The following SOX6 variants were observed in gnomAD, a reference collection of about 807,000 sequenced individuals.
SOX6 encodes transcription factor SOX-6.
In SOX6, 11 loss-of-function variants were observed where a neutral mutation model predicts 97.8. The observed-to-expected ratio is 0.11, with a 90% CI of 0.07 to 0.19. The LOEUF (loss-of-function observed/expected upper bound fraction) is 0.19, where lower values mean the gene tolerates loss of function less well. SOX6 is among the 10% of genes least tolerant of loss of function. The pLI, the probability that SOX6 is intolerant of heterozygous loss-of-function variation, is 1.00. For synonymous variants in SOX6, 360 were observed against 371.4 expected (o/e 0.97, Z 0.35); for missense variants, 810 against 1,039.5 (o/e 0.78, Z 3.04).
At chr11:16,735,726 G>T (rs1032817874) in intron 2 of SOX6, among the ~76,000 whole-genome samples, 4 of 152,076 alleles carry the variant, frequency 2.6e-5, no homozygotes, top group Non-Finnish European at 4.4e-5. Flanking sequence ...GTGAAACTTT[G>T]AGGTCAATTG....
At chr11:16,500,840 C>T (rs1429044406) in intron 4 of SOX6, among the ~76,000 whole-genome samples, 3 of 152,150 alleles carry the variant, frequency 2.0e-5, no homozygotes, top group Non-Finnish European at 4.4e-5. Flanking sequence ...ACATTCCATG[C>T]TCATGGGTAG....
At chr11:16,649,893 C>A (rs1847621906) in intron 3 of SOX6, among the ~76,000 whole-genome samples, 1 of 151,968 alleles carries the variant, frequency 6.6e-6, no homozygotes, top group Non-Finnish European at 1.5e-5. Flanking sequence ...AAGAGACTCA[C>A]CCAACACATA....
At chr11:16,318,414 A>T in intron 3 of SOX6, 32 bp downstream of exon 3, 1 of 1,610,424 alleles carries the variant, frequency 6.2e-7, no homozygotes, top group Middle Eastern at 1.7e-4. Flanking sequence ...AGAAGAAAAA[A>T]AACAGAGCCC....
At chr11:16,098,332 C>A (rs551695681) in intron 7 of SOX6, among the ~76,000 whole-genome samples, 1 of 151,788 alleles carries the variant, frequency 6.6e-6, no homozygotes, top group South Asian at 2.1e-4. Context: ...GCATACTAAG[C>A]ACTTATCAAA....
intron 2 of SOX6, among the ~76,000 whole-genome samples, chr11:16,719,174 G>A (rs1256655378): frequency 2.0e-5 from 3 of 152,030 alleles, no homozygotes; most frequent in African/African-American, 7.2e-5. Context: ...TAATTAATGA[G>A]GAAACCAGTA....
chr11:16,155,359 A>C (rs1291393468), intron 6 of SOX6, among the ~76,000 whole-genome samples: 2 of 152,174 alleles, frequency 1.3e-5, no homozygotes, highest in African/African-American at 4.8e-5. Flanking sequence ...TTTGTGATCT[A>C]TAAAAGGGAA....
At chr11:16,246,041 T>G (rs1388829093) in intron 3 of SOX6, among the ~76,000 whole-genome samples, 2 of 151,362 alleles carry the variant, frequency 1.3e-5, no homozygotes, top group African/African-American at 4.8e-5. Context: ...TCTACTTATC[T>G]CCTTTGTTGG....
At chr11:16,321,049 G>T (rs1855906969) in intron 2 of SOX6, among the ~76,000 whole-genome samples, 2 of 152,040 alleles carry the variant, frequency 1.3e-5, no homozygotes, top group African/African-American at 4.8e-5. Flanking sequence ...TTAGATGCCA[G>T]TCATGGCTAG....
intron 4 of SOX6, among the ~76,000 whole-genome samples, chr11:16,481,959 A>G (rs1013153856): frequency 5.3e-5 from 8 of 152,136 alleles, no homozygotes; most frequent in Non-Finnish European, 7.4e-5. Context: ...AAATAAAAAA[A>G]AGAGAGAGAA....
intron 6 of SOX6, among the ~76,000 whole-genome samples, chr11:16,169,447 A>G (rs1850972782): frequency 6.6e-6 from 1 of 152,148 alleles, no homozygotes; most frequent in South Asian, 2.1e-4. Flanking sequence ...ATTAAGATAA[A>G]TGGCTAATGA....
intron 4 of SOX6, among the ~76,000 whole-genome samples, chr11:16,572,828 A>G (rs759262385): frequency 1.5e-4 from 23 of 152,200 alleles, no homozygotes; most frequent in Non-Finnish European, 2.9e-4. Flanking sequence ...CTACCCTAGC[A>G]TTAACATAAT....
intron 9 of SOX6, among the ~76,000 whole-genome samples, chr11:16,066,107 T>G (rs1248252804): frequency 6.6e-6 from 1 of 152,142 alleles, no homozygotes; most frequent in Non-Finnish European, 1.5e-5. Flanking sequence ...GTAAAATATT[T>G]GAATAGGTGT....
rs989115028 is a variant in SOX6 at position 16,055,215 on chromosome 11, C to CTTTAT, written c.1251+532_1251+536dup. On this transcript the variant is annotated intron_variant, in intron 10 of 15. Transcript: ENST00000683767. ...TTGCCCTCATTGTAAGGACAGTCCT[C>CTTTAT]TTTATTTTATTTTATTTATTTATTT... Among the ~76,000 whole-genome samples, 6 of 152,116 alleles carry CTTTAT rather than the reference C, an allele frequency of 3.9e-5. No homozygotes were observed. The South Asian group carries it at 1.2e-3, about 32-fold the overall frequency.
At chr11:16,158,312 G>A (rs569980515) in intron 6 of SOX6, among the ~76,000 whole-genome samples, 2 of 151,970 alleles carry the variant, frequency 1.3e-5, no homozygotes, top group East Asian at 1.9e-4. Context: ...ACTCCTTGGT[G>A]TATATATTAT....
At chr11:16,433,954 G>C (rs1200047430) in intron 1 of SOX6, among the ~76,000 whole-genome samples, 1 of 151,776 alleles carries the variant, frequency 6.6e-6, no homozygotes, top group African/African-American at 2.4e-5. Flanking sequence ...AGACACAAAG[G>C]CCTTCAGGAT....
intron 4 of SOX6, among the ~76,000 whole-genome samples, chr11:16,510,979 AT>A (rs768795643): frequency 3.0e-4 from 45 of 152,264 alleles, no homozygotes; most frequent in Non-Finnish European, 5.4e-4. Flanking sequence ...ATCTTGTTGA[AT>A]AAAAAAAATC....
intron 1 of SOX6, among the ~76,000 whole-genome samples, chr11:16,456,251 T>C (rs1859809340): frequency 6.6e-6 from 1 of 152,086 alleles, no homozygotes; most frequent in Non-Finnish European, 1.5e-5. Flanking sequence ...GTTTTAGTGA[T>C]TGGGCCAAGG....
At chr11:16,324,164 A>C (rs148771359) in intron 2 of SOX6, among the ~76,000 whole-genome samples, 2 of 152,224 alleles carry the variant, frequency 1.3e-5, no homozygotes, top group African/African-American at 4.8e-5. Flanking sequence ...AGCCTGGGCA[A>C]ACAAGCCAGA....
At chr11:16,256,584 A>T (rs191935846) in intron 3 of SOX6, among the ~76,000 whole-genome samples, 4 of 152,108 alleles carry the variant, frequency 2.6e-5, no homozygotes, top group African/African-American at 9.6e-5. Context: ...TATAAAAAAC[A>T]TTGAGCTAAC....
Sources: gnomAD v4.1 joint callset for allele counts (sites outside exome capture counted in the v4.1 genomes callset) on GRCh38, gnomAD v4.1.1 for gene constraint, MANE v1.5 for transcripts, NCBI Gene and HGNC (gene_info 2026-07-23, HGNC 2026-07-21) for gene names.